The following SEMA3E variants were observed in gnomAD, a reference collection of about 807,000 sequenced individuals.
SEMA3E encodes semaphorin-3E.
SEMA3E carries 49 observed loss-of-function variants against 93.6 expected under a neutral mutation model. That is an observed-to-expected ratio of 0.52 (90% confidence interval 0.42 to 0.66). The LOEUF (loss-of-function observed/expected upper bound fraction) is 0.66, where lower values mean the gene tolerates loss of function less well. SEMA3E is among the 30% of genes least tolerant of loss of function. The pLI is 0.00. For synonymous variants in SEMA3E, 363 were observed against 330.7 expected (o/e 1.10, Z -1.06); for missense variants, 906 against 964.8 (o/e 0.94, Z 0.81).
At chr7:83,543,783 A>G (rs1471159793) in intron 1 of SEMA3E, among the ~76,000 whole-genome samples, 1 of 152,088 alleles carries the variant, frequency 6.6e-6, no homozygotes, top group African/African-American at 2.4e-5. Context: ...TACAATGAAC[A>G]ATGTTGACTT....
At chr7:83,391,004 T>G (rs879612240) in intron 14 of SEMA3E, among the ~76,000 whole-genome samples, 10 of 152,184 alleles carry the variant, frequency 6.6e-5, no homozygotes, top group Non-Finnish European at 7.3e-5. Context: ...GTGCAAGGCT[T>G]GTAAACAGTT....
chr7:83,472,449 T>C (rs2115903707), intron 2 of SEMA3E, among the ~76,000 whole-genome samples: 1 of 152,260 alleles, frequency 6.6e-6, no homozygotes, highest in East Asian at 1.9e-4. Context: ...ACTGGTCAGT[T>C]CCCAAATGTT....
At chr7:83,428,797 A>T (rs917139742) in intron 4 of SEMA3E, among the ~76,000 whole-genome samples, 1 of 152,166 alleles carries the variant, frequency 6.6e-6, no homozygotes, top group African/African-American at 2.4e-5. Context: ...AAAATTTAGG[A>T]AATACTTTTG....
intron 1 of SEMA3E, among the ~76,000 whole-genome samples, chr7:83,515,424 G>T (rs1263637784): frequency 6.6e-6 from 1 of 151,984 alleles, no homozygotes; most frequent in Non-Finnish European, 1.5e-5. Flanking sequence ...AGGAAAATTA[G>T]CAGAAAATGA....
chr7:83,577,332 A>G (rs753608212), intron 1 of SEMA3E, among the ~76,000 whole-genome samples: 24 of 152,150 alleles, frequency 1.6e-4, no homozygotes, highest in Non-Finnish European at 3.1e-4. Flanking sequence ...CTTCGTTTTG[A>G]AAGTTTATGC....
intron 2 of SEMA3E, among the ~76,000 whole-genome samples, chr7:83,478,826 G>A (rs149836605): frequency 6.6e-6 from 1 of 152,336 alleles, no homozygotes; most frequent in Non-Finnish European, 1.5e-5. Context: ...GAGACAGGAA[G>A]TTGATCTCAA....
intron 1 of SEMA3E, among the ~76,000 whole-genome samples, chr7:83,622,989 A>C (rs1242605981): frequency 2.0e-5 from 3 of 152,182 alleles, no homozygotes; most frequent in African/African-American, 7.2e-5. Context: ...ACTTAAAATA[A>C]AAGTTGATAA....
At chr7:83,611,322 A>C (rs1208887610) in intron 1 of SEMA3E, among the ~76,000 whole-genome samples, 2 of 144,124 alleles carry the variant, frequency 1.4e-5, no homozygotes, top group Non-Finnish European at 3.0e-5. Context: ...TTTATGTATA[A>C]TATATAAATT....
chr7:83,560,952 T>C lies in SEMA3E; in HGVS notation c.116-70678A>G, dbSNP rs1160238637. On this transcript the variant is annotated intron_variant, in intron 1 of 16. Transcript: ENST00000643230. ...TTATATAACACTGCTTTCCAAAGCA[T>C]AGTTTAAAAAAATCATAAACTATGA... Among the ~76,000 whole-genome samples the C allele has an allele frequency of 3.9e-5, 6 of 152,078 alleles. No individual in the cohort carries two copies. In the South Asian group the frequency reaches 6.2e-4, roughly 16 times the overall value.
At chr7:83,404,065 A>C (rs1788280918) in intron 9 of SEMA3E, among the ~76,000 whole-genome samples, 2 of 152,004 alleles carry the variant, frequency 1.3e-5, no homozygotes, top group Non-Finnish European at 2.9e-5. Context: ...CCATAGCTTT[A>C]ATTTATCATA....
intron 2 of SEMA3E, among the ~76,000 whole-genome samples, chr7:83,485,720 AGGGT>A (rs1275535916): frequency 7.0e-4 from 107 of 152,250 alleles, no homozygotes; most frequent in African/African-American, 2.4e-3. Flanking sequence ...AAAACAAGAA[AGGGT>A]AGTAGGTAGT....
chr7:83,586,452 C>A (rs2115928843), intron 1 of SEMA3E, among the ~76,000 whole-genome samples: 1 of 151,934 alleles, frequency 6.6e-6, no homozygotes, highest in East Asian at 1.9e-4. Flanking sequence ...TAAAATGTTC[C>A]TTTTTCTAGG....
intron 1 of SEMA3E, among the ~76,000 whole-genome samples, chr7:83,523,841 TA>T (rs1223665694): frequency 2.6e-5 from 4 of 152,104 alleles, no homozygotes; most frequent in African/African-American, 9.7e-5. Flanking sequence ...AATGCTGCAT[TA>T]TTAGGGCAAG....
rs573162895 is a variant in SEMA3E, at chr7:83,574,598, T to C, written c.115+73830A>G. 1.2e-3 allele frequency among the ~76,000 whole-genome samples: 181 copies of C among 152,328 alleles called. 1 individual carries two copies. Among genetic ancestry groups the C allele is most frequent in the Non-Finnish European group, 2.0e-3 (139 of 68,028 alleles). On this transcript the variant is annotated intron_variant, in intron 1 of 16. Transcript: ENST00000643230. ...TAGCCATGTGATTTTCTTTGCTCAA[T>C]GAGACAAAAGCAAACACTAGAGGAA...
intron 4 of SEMA3E, among the ~76,000 whole-genome samples, chr7:83,458,501 C>A (rs1789539356): frequency 6.6e-6 from 1 of 152,044 alleles, no homozygotes; most frequent in Non-Finnish European, 1.5e-5. Context: ...AATCTAGAAG[C>A]TGTGGTATGT....
chr7:83,502,515 A>C (rs1790615472), intron 1 of SEMA3E, among the ~76,000 whole-genome samples: 1 of 151,862 alleles, frequency 6.6e-6, no homozygotes, highest in African/African-American at 2.4e-5. Flanking sequence ...TCTGACCTCC[A>C]TGCTGTTGGC....
At chr7:83,400,360 G>A in intron 10 of SEMA3E, 110 bp from the exon 11 acceptor site, 2 of 981,978 alleles carry the variant, frequency 2.0e-6, no homozygotes, top group Non-Finnish European at 3.2e-6. Flanking sequence ...TTAGTCAATT[G>A]TGCATTTAGA....
At chr7:83,512,428 A>T (rs1390030302) in intron 1 of SEMA3E, among the ~76,000 whole-genome samples, 1 of 152,222 alleles carries the variant, frequency 6.6e-6, no homozygotes, top group African/African-American at 2.4e-5. Context: ...CTTGAAATAC[A>T]TGCCGTGGAT....
chr7:83,615,806 A>G (rs906879557), intron 1 of SEMA3E, among the ~76,000 whole-genome samples: 1 of 152,114 alleles, frequency 6.6e-6, no homozygotes, highest in Non-Finnish European at 1.5e-5. Flanking sequence ...GTTACCTTAG[A>G]TATCCTGAAG....
Sources: gnomAD v4.1 joint callset for allele counts (sites outside exome capture counted in the v4.1 genomes callset) on GRCh38, gnomAD v4.1.1 for gene constraint, MANE v1.5 for transcripts, NCBI Gene and HGNC (gene_info 2026-07-23, HGNC 2026-07-21) for gene names.